BRD4: variants seen among roughly 807,000 people sequenced by gnomAD.
The protein encoded by BRD4 is bromodomain-containing protein 4.
BRD4 carries 16 observed loss-of-function variants against 142.1 expected under a neutral mutation model. The observed-to-expected ratio is 0.11, with a 90% CI of 0.08 to 0.17. The LOEUF is 0.17. Among genes scored for constraint, BRD4 ranks in the 10% least tolerant of loss-of-function variants. The pLI, the probability that BRD4 is intolerant of heterozygous loss-of-function variation, is 1.00. For missense variants in BRD4, 1,424 were observed against 1,810.9 expected (o/e 0.79, Z 3.88); for synonymous variants, 833 against 707.5 (o/e 1.18, Z -2.82).
chr19:15,302,127 A>G (rs1599504552), intron 1 of BRD4, among the ~76,000 whole-genome samples: 1 of 152,170 alleles, frequency 6.6e-6, no homozygotes, highest in East Asian at 1.9e-4. Flanking sequence ...AGATTACGCC[A>G]CTGCCCTCCA....
rs769921675 is a variant in BRD4, at chr19:15,235,793, T to A, written c.*2584A>T. On this transcript the variant is annotated 3_prime_UTR_variant, in exon 20 of 20. Coordinates refer to ENST00000679869, the MANE Select transcript of BRD4 (RefSeq NM_001379291.1). ...GAAATGGCTGGAGAAATTAAATAGA[T>A]CCCAGTTCTAATTACAACCCAGGTA... 2.6e-5 allele frequency: 4 copies of A among 152,154 alleles called. No individual in the cohort carries two copies. The highest frequency in any genetic ancestry group is 5.9e-5 in the Non-Finnish European group (4 of 68,030). The allele number at this position is 152,154 out of a possible 1,614,324, so 9.4% of individuals were successfully genotyped here. A position where few individuals can be genotyped will look rare whatever the true frequency, so the allele number is the denominator to read the frequency against.
intron 1 of BRD4, among the ~76,000 whole-genome samples, chr19:15,331,302 C>A (rs1403039454): frequency 1.3e-5 from 2 of 152,196 alleles, no homozygotes; most frequent in African/African-American, 4.8e-5. Flanking sequence ...CAAACCCAAG[C>A]CTTGGGGGCA....
chr19:15,288,321 C>T (rs1362772683), intron 1 of BRD4, among the ~76,000 whole-genome samples: 1 of 152,086 alleles, frequency 6.6e-6, no homozygotes, highest in Non-Finnish European at 1.5e-5. Context: ...TGGGAAGGAT[C>T]GCTTGAAGCC....
At chr19:15,330,741 T>C (rs1045336123) in intron 1 of BRD4, among the ~76,000 whole-genome samples, 1 of 152,210 alleles carries the variant, frequency 6.6e-6, no homozygotes, top group African/African-American at 2.4e-5. Context: ...CACTACAGCC[T>C]GGGCGACAGA....
chr19:15,265,656 A>T lies in BRD4; in HGVS notation c.560-13T>A. On this transcript the variant is annotated splice_polypyrimidine_tract_variant and intron_variant, in intron 4 of 19. Coordinates refer to ENST00000679869, the MANE Select transcript of BRD4 (RefSeq NM_001379291.1). Reference sequence around the variant, plus strand: ...GGTTTTGCTGTCCCTACAAATCATAATAAGACGGCGAGTTAGAGACCATGC... The same window carrying T: ...GGTTTTGCTGTCCCTACAAATCATATTAAGACGGCGAGTTAGAGACCATGC... 1 of 1,614,054 alleles carries T rather than the reference A, an allele frequency of 6.2e-7. No individual in the cohort carries two copies. The highest frequency in any genetic ancestry group is 1.1e-5 in the South Asian group (1 of 91,080).
chr19:15,273,983 C>T (rs960921119), intron 1 of BRD4, among the ~76,000 whole-genome samples: 1 of 152,176 alleles, frequency 6.6e-6, no homozygotes, highest in Non-Finnish European at 1.5e-5. Context: ...ACCAGGATTA[C>T]ACAAACTTTT....
chr19:15,313,755 G>A (rs991617116), intron 1 of BRD4, among the ~76,000 whole-genome samples: 3 of 152,166 alleles, frequency 2.0e-5, no homozygotes, highest in African/African-American at 7.2e-5. Context: ...TAATCATGGA[G>A]TAAAAGCCAA....
At chr19:15,328,456 G>A (rs1011975991) in intron 1 of BRD4, among the ~76,000 whole-genome samples, 2 of 152,146 alleles carry the variant, frequency 1.3e-5, no homozygotes, top group Non-Finnish European at 2.9e-5. Context: ...GAAATGTCCA[G>A]TAGTGCATGG....
chr19:15,243,194 G>A lies in BRD4; in HGVS notation c.2875C>T (p.Pro959Ser). The A allele has an allele frequency of 1.0e-6, 1 of 997,666 alleles. No individual in the cohort carries two copies. Among genetic ancestry groups the A allele is most frequent in the Non-Finnish European group, 1.4e-6 (1 of 719,528 alleles). 61.8% of individuals were successfully genotyped at this position (997,666 alleles called of 1,614,324 possible). Residue 959 changes from proline (P) to serine (S), a missense_variant, in exon 14 of 20, where the codon CCG becomes TCG. This residue lies in a region of BRD4 where 598 missense variants were observed against 647.8 expected (regional missense o/e 0.92). Coordinates refer to ENST00000679869, the MANE Select transcript of BRD4 (RefSeq NM_001379291.1). Reference sequence around the variant, plus strand: ...TGCACAGAGGGGTGGGGTGGGGGCGGCAGGGGGGGTGGGGGCTGGGACTGC... The same window carrying A: ...TGCACAGAGGGGTGGGGTGGGGGCGACAGGGGGGGTGGGGGCTGGGACTGC... Reference protein sequence around the residue: ...KVQSQPPPPLPPPPHPSVQQQ... With the variant: ...KVQSQPPPPLSPPPHPSVQQQ...
Position 15,332,383 on chromosome 19 carries a change from G to T in BRD4, c.-128C>A, listed in dbSNP as rs1207066185. 6.9e-6 allele frequency: 1 copy of T among 145,954 alleles called. No homozygotes were observed. The highest frequency in any genetic ancestry group is 2.0e-4 in the East Asian group (1 of 5,036). The allele number at this position is 145,954 out of a possible 1,614,324, so 9.0% of individuals were successfully genotyped here. On this transcript the variant is annotated 5_prime_UTR_variant, in exon 1 of 20. Coordinates refer to ENST00000679869, the MANE Select transcript of BRD4 (RefSeq NM_001379291.1). ...GCCTGCGCGGCGCCGGGGCCCGCCC[G>T]CCGCTCTGCCGAGCTCACAGGCCGC... is the stretch of plus-strand genomic sequence containing the variant.
intron 1 of BRD4, among the ~76,000 whole-genome samples, chr19:15,286,907 G>C (rs2047744153): frequency 6.6e-6 from 1 of 152,184 alleles, no homozygotes; most frequent in Non-Finnish European, 1.5e-5. Flanking sequence ...AATCTAAGAG[G>C]TTTCACTGGC....
chr19:15,287,505 A>T lies in BRD4; in HGVS notation c.-34-14372T>A, dbSNP rs188384157. Among the ~76,000 whole-genome samples, 17 of 152,268 alleles carry T rather than the reference A, an allele frequency of 1.1e-4. No individual in the cohort carries two copies. The East Asian group carries it at 3.1e-3, about 28-fold the overall frequency. On this transcript the variant is annotated intron_variant, in intron 1 of 19. Transcript: ENST00000679869. Reference sequence around the variant, plus strand: ...AGCAATATTCCTGCCTCAGTCTCCCAAAGTGCTGGGACTACAGATGAGCCA... The same window carrying T: ...AGCAATATTCCTGCCTCAGTCTCCCTAAGTGCTGGGACTACAGATGAGCCA...
intron 1 of BRD4, among the ~76,000 whole-genome samples, chr19:15,323,237 C>T (rs1188852618): frequency 8.0e-6 from 1 of 125,148 alleles, no homozygotes; most frequent in Non-Finnish European, 1.6e-5. Context: ...AGATTCTGAT[C>T]AAATTTCTCT....
At chr19:15,318,895 G>A (rs1297214843) in intron 1 of BRD4, among the ~76,000 whole-genome samples, 1 of 152,222 alleles carries the variant, frequency 6.6e-6, no homozygotes, top group Admixed American at 6.5e-5. Flanking sequence ...GGGCACAGGG[G>A]CCCTGGGAAG....
intron 11 of BRD4, among the ~76,000 whole-genome samples, chr19:15,250,973 C>A (rs183779423): frequency 5.3e-5 from 8 of 152,180 alleles, no homozygotes; most frequent in Non-Finnish European, 7.3e-5. Context: ...TGTCTCAATA[C>A]AGAATCCTCA....
rs1217523710 is a variant in BRD4, at chr19:15,235,968, T to C, written c.*2409A>G. On this transcript the variant is annotated 3_prime_UTR_variant, in exon 20 of 20. Coordinates refer to ENST00000679869, the MANE Select transcript of BRD4 (RefSeq NM_001379291.1). ...AAGGAACAAAAATGAGTGGGTGGGA[T>C]GAGATGGAAGAAACCCCAAAGAACC... 6.6e-6 allele frequency: 1 copy of C among 152,148 alleles called. No individual in the cohort carries two copies. Among genetic ancestry groups the C allele is most frequent in the Admixed American group, 6.5e-5 (1 of 15,270 alleles). 9.4% of individuals were successfully genotyped at this position (152,148 alleles called of 1,614,324 possible). A position where few individuals can be genotyped will look rare whatever the true frequency, so the allele number is the denominator to read the frequency against.
At position 15,264,484 on chromosome 19, in the gene BRD4, T is replaced by C. The variant is rs2145598945; in HGVS notation, c.1132A>G (p.Lys378Glu). The change falls in exon 6 of 20, where the codon AAG (lysine) becomes GAG (glutamate). Residue 378 changes from lysine to glutamate, a missense_variant. By Grantham distance (56) the Lys-to-Glu change is moderately conservative. Transcript: ENST00000679869. ...KHAAYAWPFY[K>E]PVDVEALGLH... ...CCCAGTGCCTCCACGTCCACAGGCT[T>C]GTAGAAGGGCCAGGCGTAGGCGGCG... is the stretch of plus-strand genomic sequence containing the variant. The C allele has an allele frequency of 1.2e-6, 2 of 1,613,952 alleles. No homozygotes were observed. Among genetic ancestry groups the C allele is most frequent in the Non-Finnish European group, 1.7e-6 (2 of 1,179,968 alleles).
chr19:15,271,852 G>A (rs1382142427), intron 2 of BRD4, among the ~76,000 whole-genome samples: 1 of 147,556 alleles, frequency 6.8e-6, no homozygotes, highest in Non-Finnish European at 1.5e-5. Flanking sequence ...AGTTCTTACA[G>A]ACACAATGAC....
intron 1 of BRD4, among the ~76,000 whole-genome samples, chr19:15,288,740 C>T (rs2047759102): frequency 6.6e-6 from 1 of 152,224 alleles, no homozygotes; most frequent in South Asian, 2.1e-4. Flanking sequence ...TAAGCCGTGG[C>T]GGGTGCCTGC....
Sources: gnomAD v4.1 joint callset for allele counts (sites outside exome capture counted in the v4.1 genomes callset) on GRCh38, gnomAD v4.1.1 for gene constraint, gnomAD v4.1.1 regional missense constraint, MANE v1.5 for transcripts, NCBI Gene and HGNC (gene_info 2026-07-23, HGNC 2026-07-21) for gene names.